ZDHHC1: variants seen among roughly 807,000 people sequenced by gnomAD.
ZDHHC1 encodes the protein palmitoyltransferase ZDHHC1.
In ZDHHC1, 45 loss-of-function variants were observed where a neutral mutation model predicts 46.9. The ratio of observed to expected loss-of-function variants is 0.96; its 90% CI spans 0.76 to 1.23. The LOEUF (loss-of-function observed/expected upper bound fraction) is 1.23, where lower values mean the gene tolerates loss of function less well. Among genes scored for constraint, ZDHHC1 ranks in the 50% most tolerant of loss-of-function variants. The pLI is 0.00. For synonymous variants in ZDHHC1, 291 were observed against 286.0 expected (o/e 1.02, Z -0.18); for missense variants, 649 against 670.8 (o/e 0.97, Z 0.36).
chr16:67,396,567 TG>T (rs2040437846), intron 8 of ZDHHC1, among the ~76,000 whole-genome samples: 1 of 121,372 alleles, frequency 8.2e-6, no homozygotes, highest in Admixed American at 8.1e-5. Flanking sequence ...CCTGCTGGGG[TG>T]GGGGTGGGTG....
intron 1 of ZDHHC1, among the ~76,000 whole-genome samples, chr16:67,414,007 A>G (rs894931745): frequency 4.0e-5 from 6 of 151,632 alleles, no homozygotes; most frequent in African/African-American, 7.3e-5. Flanking sequence ...ATTATTCCTG[A>G]GTTGACATGG....
At chr16:67,407,877 T>C (rs559272899) in intron 1 of ZDHHC1, 64 bp from the exon 2 acceptor site, 1 of 732,744 alleles carries the variant, frequency 1.4e-6, no homozygotes, top group African/African-American at 1.7e-5. Flanking sequence ...CTAAGCCATC[T>C]GGCCTGCTTT....
At chr16:67,403,814 A>G (rs1457955277) in intron 3 of ZDHHC1, among the ~76,000 whole-genome samples, 1 of 152,012 alleles carries the variant, frequency 6.6e-6, no homozygotes, top group Non-Finnish European at 1.5e-5. Context: ...GGAGTTTCGC[A>G]TGTTGGCCAG....
At chr16:67,404,539 T>C (rs1478424123) in intron 3 of ZDHHC1, 1 of 372,652 alleles carries the variant, frequency 2.7e-6, no homozygotes, top group African/African-American at 2.1e-5. Flanking sequence ...TGGTCAGGCA[T>C]GAACCAGGTG....
chr16:67,412,559 C>G (rs1279075661), intron 1 of ZDHHC1, among the ~76,000 whole-genome samples: 1 of 152,168 alleles, frequency 6.6e-6, no homozygotes, highest in Non-Finnish European at 1.5e-5. Flanking sequence ...TGAGGAAAAG[C>G]CACAGAACTT....
chr16:67,399,559 A>T, intron 4 of ZDHHC1, 103 bp from the exon 5 acceptor site: 1 of 952,980 alleles, frequency 1.0e-6, no homozygotes, highest in Non-Finnish European at 1.5e-6. Flanking sequence ...ACCAAGCGCC[A>T]GGCCTGAGAC....
chr16:67,411,797 T>C (rs1256598209), intron 1 of ZDHHC1, among the ~76,000 whole-genome samples: 1 of 152,188 alleles, frequency 6.6e-6, no homozygotes, highest in African/African-American at 2.4e-5. Context: ...AGAACACTTG[T>C]AGATGGCGCT....
At chr16:67,404,720 A>G (rs762055152) in intron 3 of ZDHHC1, 1 of 455,960 alleles carries the variant, frequency 2.2e-6, no homozygotes. Context: ...CAGCTTCTTC[A>G]TTAGGAAATG....
At chr16:67,398,086 C>G in intron 8 of ZDHHC1, 126 bp downstream of exon 8, 1 of 915,154 alleles carries the variant, frequency 1.1e-6, no homozygotes, top group Admixed American at 2.1e-5. Context: ...AGCACAAGCC[C>G]GGTCCCTGCT....
rs57605287 is a variant in ZDHHC1 at position 67,416,378 on chromosome 16, T to TGGCTCCGGCTCCGGCTCCGGCTCC, written c.-270_-247dup. On this transcript the variant is annotated 5_prime_UTR_variant, in exon 1 of 12. Coordinates refer to ENST00000565726, the MANE Select transcript of ZDHHC1 (RefSeq NM_001323627.2). ...CCGGTGAGTCCTCGAGCTCTGGCTC[T>TGGCTCCGGCTCCGGCTCCGGCTCC]GGCTCCGGCTCCGGCTCCGGCTCCG... The TGGCTCCGGCTCCGGCTCCGGCTCC allele has an allele frequency of 3.7e-4, 75 of 202,854 alleles. No individual in the cohort carries two copies. Among genetic ancestry groups the TGGCTCCGGCTCCGGCTCCGGCTCC allele is most frequent in the Admixed American group, 6.6e-4 (11 of 16,712 alleles). 12.6% of individuals were successfully genotyped at this position (202,854 alleles called of 1,614,324 possible).
At chr16:67,395,991 T>G (rs1314513738) in intron 8 of ZDHHC1, 3 of 180,106 alleles carry the variant, frequency 1.7e-5, no homozygotes, top group Non-Finnish European at 3.5e-5. Flanking sequence ...CAGAGCTGAG[T>G]CCTGGGCACA....
In ZDHHC1 at chr16:67,416,159, G is replaced by A. The variant is rs2040831279; in HGVS notation, c.-39+12C>T. The A allele has an allele frequency of 6.6e-6, 1 of 152,324 alleles. No individual in the cohort carries two copies. The highest frequency in any genetic ancestry group is 2.4e-5 in the African/African-American group (1 of 41,458). 9.4% of individuals were successfully genotyped at this position (152,324 alleles called of 1,614,324 possible). A position where few individuals can be genotyped will look rare whatever the true frequency, so the allele number is the denominator to read the frequency against. ...AGGCTCCGAGGTGAGAAACCGGGCG[G>A]GGACTCCTCACCTGCGCGCCGCGGA... On this transcript the variant is annotated intron_variant, in intron 1 of 11. Transcript: ENST00000565726.
At chr16:67,396,865 A>G (rs1313702904) in intron 8 of ZDHHC1, among the ~76,000 whole-genome samples, 2 of 152,212 alleles carry the variant, frequency 1.3e-5, no homozygotes, top group African/African-American at 4.8e-5. Flanking sequence ...AGGAGGGGCC[A>G]GCAGTAGAGG....
intron 1 of ZDHHC1, among the ~76,000 whole-genome samples, chr16:67,408,304 T>C (rs2040697496): frequency 1.3e-5 from 2 of 151,602 alleles, no homozygotes; most frequent in South Asian, 4.2e-4. Context: ...TAGCTGGAAG[T>C]ACAGGCACGC....
In ZDHHC1 at chr16:67,406,506, G is replaced by A. The variant is rs952947905; in HGVS notation, c.10-64C>T. The A allele has an allele frequency of 2.1e-6, 3 of 1,445,344 alleles. No homozygotes were observed. In the African/African-American group the frequency reaches 4.3e-5, roughly 21 times the overall value. 89.5% of individuals were successfully genotyped at this position (1,445,344 alleles called of 1,614,324 possible). A position where few individuals can be genotyped will look rare whatever the true frequency, so the allele number is the denominator to read the frequency against. On this transcript the variant is annotated intron_variant, in intron 2 of 11. Transcript: ENST00000565726. This position sits in a 1 kb window ranked among gnomAD's most constrained non-coding sequence, Gnocchi z 4.1. The stretch of plus-strand genomic sequence containing the variant: ...GAAGCTGGGCTGGAGCCCAGGGCCT[G>A]TGTCTGCAGCCAAGTTTCAGCACAG...
chr16:67,407,124 T>C (rs1031663013), intron 2 of ZDHHC1, among the ~76,000 whole-genome samples: 9 of 152,180 alleles, frequency 5.9e-5, no homozygotes, highest in Non-Finnish European at 1.0e-4. Context: ...TGTACAGTTT[T>C]GTACAGAAAG....
At chr16:67,409,914 G>A (rs1386609474) in intron 1 of ZDHHC1, among the ~76,000 whole-genome samples, 2 of 148,272 alleles carry the variant, frequency 1.3e-5, no homozygotes, top group African/African-American at 5.0e-5. Context: ...GGCAGTGGGT[G>A]AATGGGCATT....
At chr16:67,397,107 C>T (rs1567515461) in intron 8 of ZDHHC1, among the ~76,000 whole-genome samples, 1 of 152,340 alleles carries the variant, frequency 6.6e-6, no homozygotes, top group East Asian at 1.9e-4. Flanking sequence ...CCACTCCTGT[C>T]CCCCGGGTTT....
At chr16:67,405,186 C>G (rs985693848) in intron 3 of ZDHHC1, among the ~76,000 whole-genome samples, 1 of 152,234 alleles carries the variant, frequency 6.6e-6, no homozygotes, top group African/African-American at 2.4e-5. Context: ...CTGCCACTCA[C>G]CAGCCCAGGG....
Sources: gnomAD v4.1 joint callset for allele counts (sites outside exome capture counted in the v4.1 genomes callset) on GRCh38, gnomAD v4.1.1 for gene constraint, Gnocchi (gnomAD v3.1) non-coding constraint, MANE v1.5 for transcripts, NCBI Gene and HGNC (gene_info 2026-07-23, HGNC 2026-07-21) for gene names.